The following SLC25A23 variants were observed in gnomAD, a reference collection of about 807,000 sequenced individuals.
SLC25A23 encodes mitochondrial adenyl nucleotide antiporter SLC25A23.
Under a neutral mutation model 53.9 loss-of-function variants are expected in SLC25A23, and 32 were observed. The observed-to-expected ratio is 0.59, with a 90% CI of 0.45 to 0.80. SLC25A23 has a LOEUF of 0.80. Ranked by LOEUF, SLC25A23 falls within the 30% of genes least tolerant of loss-of-function variation. The probability of loss-of-function intolerance (pLI) is 0.00; values close to 1 mark genes in which losing one functional copy is unlikely to be tolerated. For synonymous variants in SLC25A23, 275 were observed against 264.5 expected (o/e 1.04, Z -0.38); for missense variants, 575 against 651.4 (o/e 0.88, Z 1.28).
chr19:6,458,432 G>A, intron 1 of SLC25A23, 108 bp from the exon 2 acceptor site: 1 of 1,237,934 alleles, frequency 8.1e-7, no homozygotes, highest in Non-Finnish European at 1.1e-6. Context: ...GCGCCTTGAG[G>A]AAGGGGATAG....
intron 7 of SLC25A23, 56 bp downstream of exon 7, chr19:6,453,925 G>A (rs2092632610): frequency 1.4e-6 from 2 of 1,417,126 alleles, no homozygotes; most frequent in Non-Finnish European, 2.0e-6. Context: ...AGTGAGATGG[G>A]TACAGCAGGC....
intron 7 of SLC25A23, 136 bp from the exon 8 acceptor site, chr19:6,452,615 G>A: frequency 9.4e-7 from 1 of 1,058,616 alleles, no homozygotes; most frequent in Non-Finnish European, 1.3e-6. Context: ...ACCTACTCTA[G>A]AATCTTCTGC....
rs564021900 is a variant in SLC25A23, at chr19:6,445,103, C to G, written c.1072-802G>C. On this transcript the variant is annotated intron_variant, in intron 8 of 9. Coordinates refer to ENST00000301454, the MANE Select transcript of SLC25A23 (RefSeq NM_024103.3). ...CAGGCATGAGCCACCATGCCTGGCA[C>G]AAGGCCCCTTCTTTTTTTTTTCAGA... Among the ~76,000 whole-genome samples the G allele has an allele frequency of 6.6e-5, 10 of 151,516 alleles. No individual in the cohort carries two copies. In the East Asian group the frequency reaches 2.0e-3, roughly 30 times the overall value.
At position 6,458,271 on chromosome 19, in the gene SLC25A23, T is replaced by C. The variant is rs570961769; in HGVS notation, c.210A>G (p.Glu70=). ...CCCGCTCCTGCAGATAGCGGGAAAA[T>C]TCCTCCAGGTCGAGCCCGCCATCTG... ...ADPDGGLDLE[E]FSRYLQEREQ... The change falls in exon 2 of 10, where the codon GAA becomes GAG. Residue 70 remains glutamate, a synonymous_variant. Transcript: ENST00000301454. 2.5e-6 allele frequency: 4 copies of C among 1,613,440 alleles called. No homozygotes were observed. In the South Asian group the frequency reaches 4.4e-5, roughly 18 times the overall value.
intron 9 of SLC25A23, 140 bp downstream of exon 9, chr19:6,444,011 T>G (rs2092465221): frequency 2.2e-6 from 2 of 903,784 alleles, no homozygotes; most frequent in African/African-American, 3.4e-5. Context: ...GACTCCCATT[T>G]CAATGTCACA....
intron 8 of SLC25A23, among the ~76,000 whole-genome samples, chr19:6,450,598 G>C (rs1006205822): frequency 5.9e-5 from 9 of 152,168 alleles, no homozygotes; most frequent in African/African-American, 2.2e-4. Flanking sequence ...GTCACTAAGC[G>C]AATGAGTGAA....
chr19:6,452,531 T>C (rs1300478823), intron 7 of SLC25A23, 52 bp from the exon 8 acceptor site: 10 of 1,558,080 alleles, frequency 6.4e-6, no homozygotes, highest in Non-Finnish European at 7.0e-6. Context: ...AATCGCTACA[T>C]CCAGGAATGA....
In SLC25A23 at chr19:6,454,605, G is replaced by A. The variant is rs765279074; in HGVS notation, c.596C>T (p.Ser199Leu). The change falls in exon 5 of 10, where the codon TCA becomes TTA. Residue 199 changes from serine to leucine, a missense_variant. Physicochemically the swap from Ser to Leu is moderately radical, Grantham distance 145. Coordinates refer to ENST00000301454, the MANE Select transcript of SLC25A23 (RefSeq NM_024103.3). The surrounding 1 kb of genome is among the most constrained non-coding windows in gnomAD (Gnocchi z 4.3). Reference sequence around the variant, plus strand: ...GTCCAGAGGGGCCGTGCCTGTCCGTGACACGGCACCTGCCACTGCGCCGGC... The same window carrying A: ...GTCCAGAGGGGCCGTGCCTGTCCGTAACACGGCACCTGCCACTGCGCCGGC... Reference protein sequence around the residue: ...LVAGAVAGAVSRTGTAPLDRL... With the variant: ...LVAGAVAGAVLRTGTAPLDRL... 1.2e-6 allele frequency: 2 copies of A among 1,613,752 alleles called. No individual in the cohort carries two copies. The highest frequency in any genetic ancestry group is 4.5e-5 in the East Asian group (2 of 44,868).
Position 6,442,020 on chromosome 19 carries a change from C to T in SLC25A23, c.1362G>A (p.Val454=). 6.2e-7 allele frequency: 1 copy of T among 1,613,868 alleles called. No homozygotes were observed. Among genetic ancestry groups the T allele is most frequent in the Non-Finnish European group, 8.5e-7 (1 of 1,179,910 alleles). ...KVIPAVSISY[V]VYENMKQALG... ...AGGCCTGCTTCATGTTCTCGTAGAC[C>T]ACATAGGAGATGCTCACAGCTGGAA... is the stretch of plus-strand genomic sequence containing the variant. The change falls in exon 10 of 10, where the codon GTG becomes GTA. Residue 454 remains valine (V), a synonymous_variant. Coordinates refer to ENST00000301454, the MANE Select transcript of SLC25A23 (RefSeq NM_024103.3).
chr19:6,444,268 G>A lies in SLC25A23; in HGVS notation c.1105C>T (p.His369Tyr), dbSNP rs1303475897. 1.2e-6 allele frequency: 2 copies of A among 1,608,304 alleles called. No homozygotes were observed. The highest frequency in any genetic ancestry group is 1.3e-5 in the African/African-American group (1 of 74,918). Residue 369 changes from histidine to tyrosine, a missense_variant, in exon 9 of 10, where the codon CAC becomes TAC. Coordinates refer to ENST00000301454, the MANE Select transcript of SLC25A23 (RefSeq NM_024103.3). The part of the protein sequence containing the change: ...LKNWWLQQYS[H>Y]DSADPGILVL... ...AGGATGCCTGGGTCTGCCGAGTCGT[G>A]GCTGTACTGCTGAAGCCACCAGTTC...
In SLC25A23 at chr19:6,456,309, TC is replaced by T. The variant is rs2145058065; in HGVS notation, c.483+110del. 3.6e-6 allele frequency: 4 copies of T among 1,126,134 alleles called. No homozygotes were observed. In the South Asian group the frequency reaches 4.3e-5, roughly 12 times the overall value. The allele number at this position is 1,126,134 out of a possible 1,614,324, so 69.8% of individuals were successfully genotyped here. A position where few individuals can be genotyped will look rare whatever the true frequency, so the allele number is the denominator to read the frequency against. On this transcript the variant is annotated intron_variant, in intron 4 of 9. Transcript: ENST00000301454. ...TCCGTCAGCTGCTGCCAGTGCCTTC[TC>T]CTTCTGGAAAGTCCTGGTCCAGCCC...
At chr19:6,456,237 A>T in intron 4 of SLC25A23, 183 bp downstream of exon 4, 1 of 974,756 alleles carries the variant, frequency 1.0e-6, no homozygotes, top group Non-Finnish European at 1.5e-6. Flanking sequence ...GATGTCCCAA[A>T]TGGGACCCTT....
At chr19:6,444,336 G>T in intron 8 of SLC25A23, 35 bp from the exon 9 acceptor site, 6 of 1,555,432 alleles carry the variant, frequency 3.9e-6, no homozygotes, top group Non-Finnish European at 5.3e-6. Context: ...GGGTTGGGGT[G>T]GGTGACCCTA....
At chr19:6,437,653 CA>C (rs1412562934), downstream of SLC25A23, among the ~76,000 whole-genome samples, 1 of 151,664 alleles carries the variant, frequency 6.6e-6, no homozygotes, top group Admixed American at 6.6e-5. Flanking sequence ...ACTAAAAATA[CA>C]AAAAATTAGC....
chr19:6,444,339 T>TGGGGGGGGGC, intron 8 of SLC25A23, 38 bp from the exon 9 acceptor site: 5 of 1,270,332 alleles, frequency 3.9e-6, no homozygotes, highest in Non-Finnish European at 5.6e-6. Flanking sequence ...TTGGGGTGGG[T>TGGGGGGGGGC]GACCCTAGGA....
At chr19:6,458,361 A>T (rs768777872) in intron 1 of SLC25A23, 37 bp from the exon 2 acceptor site, 2 of 1,603,240 alleles carry the variant, frequency 1.2e-6, no homozygotes, top group Non-Finnish European at 1.7e-6. Flanking sequence ...GGCTCCAGGA[A>T]CCTGCTCCTG....
intron 8 of SLC25A23, among the ~76,000 whole-genome samples, chr19:6,446,874 T>C (rs944066412): frequency 3.9e-5 from 6 of 152,100 alleles, no homozygotes; most frequent in African/African-American, 1.4e-4. Context: ...GGTAGACCCT[T>C]AGTCCAGTAT....
At chr19:6,447,439 A>T (rs535979120) in intron 8 of SLC25A23, among the ~76,000 whole-genome samples, 44 of 151,142 alleles carry the variant, frequency 2.9e-4, no homozygotes, top group African/African-American at 9.2e-4. Context: ...AGTAGCCAGG[A>T]TTACAGCTGT....
chr19:6,436,492 A>AC (rs1491103498), downstream of SLC25A23: 2 of 454,340 alleles, frequency 4.4e-6, no homozygotes, highest in African/African-American at 4.1e-5. Context: ...GTTATGAGAA[A>AC]GGGGGAGAGA....
Sources: gnomAD v4.1 joint callset for allele counts (sites outside exome capture counted in the v4.1 genomes callset) on GRCh38, gnomAD v4.1.1 for gene constraint, Gnocchi (gnomAD v3.1) non-coding constraint, MANE v1.5 for transcripts, NCBI Gene and HGNC (gene_info 2026-07-23, HGNC 2026-07-21) for gene names.